Variants in PKD1L1 observed in about 807,000 individuals in gnomAD.
PKD1L1 encodes polycystin 1 like 1, transient receptor potential channel interacting.
Under a neutral mutation model 323.4 loss-of-function variants are expected in PKD1L1, and 236 were observed. The observed-to-expected ratio is 0.73, with a 90% confidence interval of 0.66 to 0.81. The LOEUF (loss-of-function observed/expected upper bound fraction) is 0.81, where lower values mean the gene tolerates loss of function less well. Among genes scored for constraint, PKD1L1 ranks in the 40% least tolerant of loss-of-function variants. The pLI is 0.00. For missense variants in PKD1L1, 3,320 were observed against 3,508.0 expected (o/e 0.95, Z 1.35); for synonymous variants, 1,344 against 1,335.0 (o/e 1.01, Z -0.15).
At chr7:47,925,485 T>C (rs778554574) in intron 7 of PKD1L1, among the ~76,000 whole-genome samples, 4 of 152,214 alleles carry the variant, frequency 2.6e-5, no homozygotes, top group Non-Finnish European at 4.4e-5. Context: ...AATTAATTTA[T>C]ATATTAAACA....
chr7:47,897,894 C>A, intron 14 of PKD1L1, 94 bp downstream of exon 14: 5 of 982,420 alleles, frequency 5.1e-6, no homozygotes, highest in Non-Finnish European at 7.2e-6. Context: ...CTGGATCGAA[C>A]AGGTGTTGAA....
chr7:47,929,257 A>C lies in PKD1L1; in HGVS notation c.1007T>G (p.Leu336Arg). 6.2e-7 allele frequency: 1 copy of C among 1,614,162 alleles called. No individual in the cohort carries two copies. The highest frequency in any genetic ancestry group is 8.5e-7 in the Non-Finnish European group (1 of 1,180,038). The change falls in exon 7 of 57, where the codon CTA (leucine) becomes CGA (arginine). Residue 336 changes from leucine (L) to arginine (R), a missense_variant. Coordinates refer to ENST00000289672, the MANE Select transcript of PKD1L1 (RefSeq NM_138295.5). Reference sequence around the variant, plus strand: ...CGCCATTGCCTCAGACATGTTGTGTAGCCTCATTTCAACCCCAGAACTGTC... The same window carrying C: ...CGCCATTGCCTCAGACATGTTGTGTCGCCTCATTTCAACCCCAGAACTGTC... ...FGDSSGVEMR[L>R]HNMSEAMAVT...
chr7:47,940,273 C>A lies in PKD1L1; in HGVS notation c.205G>T (p.Gly69Cys). ...CCATTCAGAGCACACCAAGGACAGC[C>A]ACACTTCCCATCACTCATAAGAAGC... The part of the protein sequence containing the change: ...HVLLMSDGKC[G>C]CPWCALNGKA... The change falls in exon 3 of 57, where the codon GGC becomes TGC. Residue 69 changes from glycine to cysteine, a missense_variant. Gly to Cys is a radical substitution (Grantham distance 159, BLOSUM62 -3). Coordinates refer to ENST00000289672, the MANE Select transcript of PKD1L1 (RefSeq NM_138295.5). 6.2e-7 allele frequency: 1 copy of A among 1,613,988 alleles called. No individual in the cohort carries two copies. Among genetic ancestry groups the A allele is most frequent in the Non-Finnish European group, 8.5e-7 (1 of 1,179,962 alleles).
At chr7:47,958,994 G>T in the PKD1L1 span, among the ~76,000 whole-genome samples, 4 of 152,234 alleles carry the variant, frequency 2.6e-5, no homozygotes, top group South Asian at 2.1e-4. Flanking sequence ...ACTGGTTTTC[G>T]TATTTTTTTG....
At chr7:47,862,096 G>A (rs1786043332) in intron 26 of PKD1L1, among the ~76,000 whole-genome samples, 2 of 151,518 alleles carry the variant, frequency 1.3e-5, no homozygotes. Context: ...TAGGGACGCT[G>A]AGACAGGAGA....
rs1299546857 is a variant in PKD1L1, at chr7:47,906,025, AAC to A, written c.1403-65_1403-64del. 13 of 1,426,266 alleles carry A rather than the reference AAC, an allele frequency of 9.1e-6. No individual in the cohort carries two copies. The Admixed American group carries it at 1.0e-4, about 11-fold the overall frequency. The allele number at this position is 1,426,266 out of a possible 1,614,324, so 88.4% of individuals were successfully genotyped here. A position where few individuals can be genotyped will look rare whatever the true frequency, so the allele number is the denominator to read the frequency against. On this transcript the variant is annotated intron_variant, in intron 9 of 56. Transcript: ENST00000289672. Reference sequence around the variant, plus strand: ...TAAAATTAATTCACTTTTATCATGCAACACACAGTCAGTATTTTTCATTTTTA... The same window carrying A: ...TAAAATTAATTCACTTTTATCATGCAACACAGTCAGTATTTTTCATTTTTA...
intron 7 of PKD1L1, among the ~76,000 whole-genome samples, chr7:47,922,786 T>C (rs1787578698): frequency 6.6e-6 from 1 of 152,092 alleles, no homozygotes; most frequent in African/African-American, 2.4e-5. Flanking sequence ...AGCCGCCCCA[T>C]CTGGGAAGTG....
chr7:47,899,431 G>C (rs1052154166), intron 13 of PKD1L1, among the ~76,000 whole-genome samples: 1 of 152,160 alleles, frequency 6.6e-6, no homozygotes, highest in East Asian at 1.9e-4. Flanking sequence ...GGGAATATTA[G>C]TGTCTACCCA....
intron 56 of PKD1L1, among the ~76,000 whole-genome samples, chr7:47,776,802 C>T (rs1301798459): frequency 6.6e-6 from 1 of 152,160 alleles, no homozygotes; most frequent in African/African-American, 2.4e-5. Flanking sequence ...AAAGACATTG[C>T]TCCGCAATAA....
Position 47,887,990 on chromosome 7 carries a change from CT to C in PKD1L1, c.2835del (p.Val946PhefsTer6). 1 of 1,609,228 alleles carries C rather than the reference CT, an allele frequency of 6.2e-7. No homozygotes were observed. The highest frequency in any genetic ancestry group is 8.5e-7 in the Non-Finnish European group (1 of 1,177,716). ...AAATAAAGCTATTAATCCTTTTTAC[CT>C]TCTATCCTATTCTTTTCTGTTGCAT... The part of the protein sequence containing the change: ...LVNATEKNRI[E>X]VPFCRVVGLL... On this transcript the variant is annotated frameshift_variant and splice_region_variant, in exon 17 of 57. Transcript: ENST00000289672. LOFTEE classifies it high-confidence loss of function.
intron 45 of PKD1L1, among the ~76,000 whole-genome samples, chr7:47,821,523 C>T (rs1785140553): frequency 6.6e-6 from 1 of 152,128 alleles, no homozygotes. Context: ...CCTGCCTCAG[C>T]CTCCCAAAGT....
the PKD1L1 span, among the ~76,000 whole-genome samples, chr7:47,955,567 A>G: frequency 3.9e-5 from 6 of 152,360 alleles, no homozygotes; most frequent in East Asian, 1.2e-3. Flanking sequence ...ACATTTTGCC[A>G]TATCAGTACA....
intron 1 of PKD1L1, among the ~76,000 whole-genome samples, chr7:47,945,893 G>A (rs1000723491): frequency 1.3e-5 from 2 of 152,204 alleles, no homozygotes; most frequent in Non-Finnish European, 2.9e-5. Context: ...TGGCCCTTGA[G>A]AAGTAATTTT....
At chr7:47,902,331 G>C (rs886960981) in intron 13 of PKD1L1, 48 bp downstream of exon 13, 1 of 1,603,714 alleles carries the variant, frequency 6.2e-7, no homozygotes, top group African/African-American at 1.3e-5. Flanking sequence ...CAACTCAGAG[G>C]GAGGCTGAAA....
chr7:47,910,651 T>C (rs184413587), intron 8 of PKD1L1, among the ~76,000 whole-genome samples: 75 of 149,150 alleles, frequency 5.0e-4, no homozygotes, highest in African/African-American at 1.8e-3. Context: ...CATATCTTAC[T>C]TTCAAGTTGA....
At chr7:47,867,578 A>G (rs1786194380) in intron 24 of PKD1L1, among the ~76,000 whole-genome samples, 1 of 152,242 alleles carries the variant, frequency 6.6e-6, no homozygotes. Flanking sequence ...TGACCCAAAC[A>G]TGAGAAAAAT....
At chr7:47,941,694 G>A (rs771764288) in intron 2 of PKD1L1, among the ~76,000 whole-genome samples, 37 of 152,182 alleles carry the variant, frequency 2.4e-4, no homozygotes, top group Non-Finnish European at 4.6e-4. Flanking sequence ...GGACACATCC[G>A]AGAGGAAGAA....
intron 56 of PKD1L1, among the ~76,000 whole-genome samples, chr7:47,779,014 T>A (rs1045557122): frequency 3.9e-5 from 6 of 152,224 alleles, no homozygotes; most frequent in Non-Finnish European, 7.3e-5. Context: ...ATGGAGAGAA[T>A]CTCAAGTCTT....
At chr7:47,795,216 C>T (rs1289175273) in intron 55 of PKD1L1, 2 of 354,198 alleles carry the variant, frequency 5.6e-6, no homozygotes, top group Non-Finnish European at 1.1e-5. Context: ...AATTATATCT[C>T]CCAGAATTCC....
Sources: allele counts gnomAD v4.1 joint callset (sites outside exome capture counted in the v4.1 genomes callset), GRCh38; gene constraint gnomAD v4.1.1; transcripts MANE v1.5; gene names NCBI Gene and HGNC (gene_info 2026-07-23, HGNC 2026-07-21).